Variants in ZNF76 observed in about 807,000 individuals in gnomAD.
ZNF76 encodes zinc finger protein 523.
In ZNF76, 66 loss-of-function variants were observed where a neutral mutation model predicts 66.9. The ratio of observed to expected loss-of-function variants is 0.99; its 90% confidence interval spans 0.81 to 1.21. The LOEUF (loss-of-function observed/expected upper bound fraction) is 1.21, where lower values mean the gene tolerates loss of function less well. ZNF76 is among the 50% of genes most tolerant of loss of function. The pLI is 0.00. For synonymous variants in ZNF76, 275 were observed against 296.1 expected (o/e 0.93, Z 0.73); for missense variants, 729 against 760.3 (o/e 0.96, Z 0.48).
chr6:35,268,391 T>C (rs1318004538), intron 1 of ZNF76, among the ~76,000 whole-genome samples: 2 of 152,108 alleles, frequency 1.3e-5, no homozygotes, highest in Non-Finnish European at 2.9e-5. Context: ...CTCATCCTAA[T>C]TGACAAAATT....
chr6:35,293,025 C>T lies in ZNF76; in HGVS notation c.1310C>T (p.Thr437Ile). 1.2e-6 allele frequency: 2 copies of T among 1,614,050 alleles called. No homozygotes were observed. The highest frequency in any genetic ancestry group is 1.7e-6 in the Non-Finnish European group (2 of 1,180,012). ...EDGAPQVALI[T>I]QDGAQQVSLS... Reference sequence around the variant, plus strand: ...GGGGCCCCCCAGGTGGCTCTGATCACTCAGGATGGTGCCCAGCAGGTACAG... The same window carrying T: ...GGGGCCCCCCAGGTGGCTCTGATCATTCAGGATGGTGCCCAGCAGGTACAG... The change falls in exon 11 of 14, where the codon ACT becomes ATT. Residue 437 changes from threonine to isoleucine, a missense_variant. Physicochemically the swap from Thr to Ile is moderately conservative, Grantham distance 89. Coordinates refer to ENST00000373953, the MANE Select transcript of ZNF76 (RefSeq NM_003427.5).
chr6:35,278,180 T>A (rs1306052976), intron 1 of ZNF76, among the ~76,000 whole-genome samples: 1 of 152,050 alleles, frequency 6.6e-6, no homozygotes, highest in East Asian at 1.9e-4. Context: ...TTTTTTCTTT[T>A]TTTTTGAGAC....
Position 35,291,686 on chromosome 6 carries a change from C to G in ZNF76, c.880C>G (p.Arg294Gly). ...PYTCPEPHCG[R>G]GFTSATNYKN... ...CACCTGCCCGGAGCCCCACTGTGGC[C>G]GCGGCTTCACCAGCGCCACCAACTA... The change falls in exon 9 of 14, where the codon CGC becomes GGC. Residue 294 changes from arginine to glycine, a missense_variant. Coordinates refer to ENST00000373953, the MANE Select transcript of ZNF76 (RefSeq NM_003427.5). 6.2e-7 allele frequency: 1 copy of G among 1,613,280 alleles called. No homozygotes were observed. Among genetic ancestry groups the G allele is most frequent in the Non-Finnish European group, 8.5e-7 (1 of 1,179,992 alleles).
At chr6:35,283,165 T>C (rs1481793458) in intron 2 of ZNF76, among the ~76,000 whole-genome samples, 1 of 152,244 alleles carries the variant, frequency 6.6e-6, no homozygotes, top group Non-Finnish European at 1.5e-5. Context: ...TCTTTCCTTA[T>C]ATCTATCCTT....
chr6:35,259,615 G>A (rs561483627), upstream of ZNF76: 2 of 151,688 alleles, frequency 1.3e-5, no homozygotes, highest in Non-Finnish European at 2.9e-5. Context: ...GCGGCGAAGC[G>A]GGGGGCGGGG....
chr6:35,259,539 C>T (rs1047539463), upstream of ZNF76: 1 of 152,244 alleles, frequency 6.6e-6, no homozygotes, highest in Admixed American at 6.5e-5. Flanking sequence ...CTCCGAAGAG[C>T]TCGGTTCAGA....
intron 1 of ZNF76, among the ~76,000 whole-genome samples, chr6:35,271,635 A>C (rs1231245508): frequency 6.6e-6 from 1 of 150,912 alleles, no homozygotes; most frequent in Non-Finnish European, 1.5e-5. Flanking sequence ...GCACCACTGC[A>C]CTCCAGCCTG....
At position 35,292,854 on chromosome 6, in the gene ZNF76, A is replaced by G. The variant is rs755013741; in HGVS notation, c.1166-27A>G. The G allele has an allele frequency of 6.2e-7, 1 of 1,613,750 alleles. No homozygotes were observed. Among genetic ancestry groups the G allele is most frequent in the East Asian group, 2.2e-5 (1 of 44,884 alleles). ...GCCTCCCCATGGCATCTGGTAGCAG[A>G]TGTCAGCCTTGGCTCTCCTCTCCCA... On this transcript the variant is annotated intron_variant, in intron 10 of 13. Coordinates refer to ENST00000373953, the MANE Select transcript of ZNF76 (RefSeq NM_003427.5). This position sits in a 1 kb window ranked among gnomAD's most constrained non-coding sequence, Gnocchi z 4.7.
At position 35,293,888 on chromosome 6, in the gene ZNF76, C is replaced by T; in HGVS notation, c.1467C>T (p.Val489=). 6.2e-7 allele frequency: 1 copy of T among 1,614,182 alleles called. No individual in the cohort carries two copies. The highest frequency in any genetic ancestry group is 2.2e-5 in the East Asian group (1 of 44,870). The change falls in exon 12 of 14, where the codon GTC becomes GTT. Residue 489 remains valine (V), a synonymous_variant. Transcript: ENST00000373953. ...CTGGCACACATACAGTCACCATGGT[C>T]AGCGCCGATGGCACCCAGACGCAGC... ...ATSGTHTVTM[V]SADGTQTQPV...
intron 1 of ZNF76, among the ~76,000 whole-genome samples, chr6:35,272,951 C>T (rs112804177): frequency 2.6e-5 from 4 of 152,086 alleles, no homozygotes; most frequent in Non-Finnish European, 5.9e-5. Context: ...GTCAGGCGTT[C>T]GAGACCAGCC....
chr6:35,278,948 A>G lies in ZNF76; in HGVS notation c.-96-2108A>G, dbSNP rs139760033. 4.4e-4 allele frequency among the ~76,000 whole-genome samples: 67 copies of G among 152,336 alleles called. 2 individuals carry two copies. The East Asian group carries it at 0.013, about 28-fold the overall frequency. ...CCAAAGCCTTGTGTAGGCAACGGAC[A>G]TTAAACAGATAGTGATGAGTACTGA... On this transcript the variant is annotated intron_variant, in intron 1 of 13. Coordinates refer to ENST00000373953, the MANE Select transcript of ZNF76 (RefSeq NM_003427.5).
chr6:35,290,791 C>A, intron 7 of ZNF76, 75 bp downstream of exon 7: 1 of 1,396,524 alleles, frequency 7.2e-7, no homozygotes, highest in Non-Finnish European at 1.0e-6. Context: ...CTGAAGGGAA[C>A]CCAACACCAG....
intron 2 of ZNF76, among the ~76,000 whole-genome samples, chr6:35,282,047 A>G (rs1788845844): frequency 6.6e-6 from 1 of 152,104 alleles, no homozygotes; most frequent in Non-Finnish European, 1.5e-5. Context: ...AATATAGGAC[A>G]TGTAGTTAAA....
intron 2 of ZNF76, among the ~76,000 whole-genome samples, chr6:35,282,689 C>A (rs2150362339): frequency 6.6e-6 from 1 of 152,296 alleles, no homozygotes; most frequent in East Asian, 1.9e-4. Flanking sequence ...GCAACATTGC[C>A]CTCCTTTATT....
At chr6:35,262,696 C>T (rs530397325) in intron 1 of ZNF76, among the ~76,000 whole-genome samples, 23 of 152,292 alleles carry the variant, frequency 1.5e-4, no homozygotes, top group African/African-American at 5.3e-4. Context: ...CATTCTGTGA[C>T]CTGAAACCTT....
intron 13 of ZNF76, 132 bp downstream of exon 13, chr6:35,294,701 C>T: frequency 1.4e-6 from 1 of 727,256 alleles, no homozygotes; most frequent in Non-Finnish European, 2.4e-6. Flanking sequence ...GGACAGATCC[C>T]TTTCCTCCTG....
At chr6:35,288,835 A>T (rs1316245772) in intron 5 of ZNF76, among the ~76,000 whole-genome samples, 1 of 151,578 alleles carries the variant, frequency 6.6e-6, no homozygotes, top group African/African-American at 2.4e-5. Context: ...GGTGGTGCGC[A>T]CCTGTGGTCC....
intron 1 of ZNF76, among the ~76,000 whole-genome samples, chr6:35,261,559 C>T (rs1419547057): frequency 6.6e-6 from 1 of 152,102 alleles, no homozygotes; most frequent in Non-Finnish European, 1.5e-5. Context: ...GAAACTCTCA[C>T]AGCTAAGTAG....
At chr6:35,272,013 G>C (rs1299866248) in intron 1 of ZNF76, among the ~76,000 whole-genome samples, 1 of 152,078 alleles carries the variant, frequency 6.6e-6, no homozygotes, top group East Asian at 1.9e-4. Flanking sequence ...GCTGAGGTGG[G>C]AGGATCGTTT....
Sources: allele counts gnomAD v4.1 joint callset (sites outside exome capture counted in the v4.1 genomes callset), GRCh38; gene constraint gnomAD v4.1.1; non-coding constraint Gnocchi (gnomAD v3.1); transcripts MANE v1.5; gene names NCBI Gene and HGNC (gene_info 2026-07-23, HGNC 2026-07-21).